The following PBX4 variants were observed in gnomAD, a reference collection of about 807,000 sequenced individuals.
PBX4 encodes PBX homeobox 4.
Under a neutral mutation model 35.1 loss-of-function variants are expected in PBX4, and 26 were observed. That is an observed-to-expected ratio of 0.74 (90% CI 0.54 to 1.03). PBX4 has a LOEUF of 1.03. Among genes scored for constraint, PBX4 ranks in the 50% least tolerant of loss-of-function variants. The probability of loss-of-function intolerance (pLI) is 0.00; values close to 1 mark genes in which losing one functional copy is unlikely to be tolerated. For missense variants in PBX4, 448 were observed against 504.3 expected (o/e 0.89, Z 1.07); for synonymous variants, 199 against 204.2 (o/e 0.97, Z 0.22).
intron 2 of PBX4, among the ~76,000 whole-genome samples, chr19:19,589,116 G>C (rs2061509478): frequency 6.6e-6 from 1 of 152,036 alleles, no homozygotes; most frequent in African/African-American, 2.4e-5. Context: ...GACAGAGCGA[G>C]ATCTTGACTC....
chr19:19,588,275 C>A, intron 2 of PBX4: 1 of 1,200,894 alleles, frequency 8.3e-7, no homozygotes, highest in Non-Finnish European at 1.2e-6. Flanking sequence ...TAGTTACATT[C>A]ATCACATATG....
intron 2 of PBX4, among the ~76,000 whole-genome samples, chr19:19,583,929 C>T (rs1264995303): frequency 6.6e-6 from 1 of 151,924 alleles, no homozygotes; most frequent in Non-Finnish European, 1.5e-5. Context: ...ATTAGCTGGG[C>T]ATGGTGGCAC....
chr19:19,597,942 A>G (rs774892850), intron 2 of PBX4, among the ~76,000 whole-genome samples: 1 of 152,156 alleles, frequency 6.6e-6, no homozygotes, highest in Non-Finnish European at 1.5e-5. Flanking sequence ...ACTTCAGTCC[A>G]ATCTAGAGGA....
chr19:19,589,671 G>A (rs1382501399), intron 2 of PBX4, among the ~76,000 whole-genome samples: 1 of 151,990 alleles, frequency 6.6e-6, no homozygotes, highest in Non-Finnish European at 1.5e-5. Flanking sequence ...TTGGGAGGCT[G>A]AGGCAGGAGA....
At position 19,561,897 on chromosome 19, in the gene PBX4, G is replaced by A; in HGVS notation, c.*128C>T. ...CCGGCGCCACGGGCCTGGCTGAGGA[G>A]CAGGGGCTCATGGGCACCACCACCC... On this transcript the variant is annotated 3_prime_UTR_variant, in exon 8 of 8. Transcript: ENST00000251203. The A allele has an allele frequency of 4.2e-6, 3 of 718,740 alleles. No homozygotes were observed. The highest frequency in any genetic ancestry group is 1.8e-5 in the African/African-American group (1 of 55,430). The allele number at this position is 718,740 out of a possible 1,614,324, so 44.5% of individuals were successfully genotyped here.
intron 1 of PBX4, among the ~76,000 whole-genome samples, chr19:19,615,219 G>T (rs2061682873): frequency 6.7e-6 from 1 of 148,680 alleles, no homozygotes; most frequent in South Asian, 2.1e-4. Context: ...TGGTGGCACA[G>T]GCCTGTGGTC....
intron 1 of PBX4, among the ~76,000 whole-genome samples, chr19:19,614,691 CCAAACAAACAAACAAAAA>C (rs975903988): frequency 1.1e-4 from 16 of 151,976 alleles, no homozygotes; most frequent in South Asian, 1.0e-3. Context: ...CAAAAAACAG[CCAAACAAACAAACAAAAA>C]CAAACAAACA....
Position 19,561,930 on chromosome 19 carries a change from T to G in PBX4, c.*95A>C. 1 of 1,098,542 alleles carries G rather than the reference T, an allele frequency of 9.1e-7. No homozygotes were observed. 68.0% of individuals were successfully genotyped at this position (1,098,542 alleles called of 1,614,324 possible). ...TCATGGGCACCACCACCCATCTGGG[T>G]TTTCTGAGGTCGTCGGCGGCACGTT... On this transcript the variant is annotated 3_prime_UTR_variant, in exon 8 of 8. Coordinates refer to ENST00000251203, the MANE Select transcript of PBX4 (RefSeq NM_025245.3).
At chr19:19,568,484 ACAC>A (rs2061358735) in intron 5 of PBX4, among the ~76,000 whole-genome samples, 1 of 132,726 alleles carries the variant, frequency 7.5e-6, no homozygotes, top group African/African-American at 2.9e-5. Context: ...CAGGGAACTC[ACAC>A]TCCATCTGTA....
chr19:19,599,060 C>T (rs2061579151), intron 2 of PBX4, among the ~76,000 whole-genome samples: 1 of 151,988 alleles, frequency 6.6e-6, no homozygotes, highest in South Asian at 2.1e-4. Flanking sequence ...CCTCCACCTC[C>T]CAGGTTCAAG....
intron 2 of PBX4, among the ~76,000 whole-genome samples, chr19:19,582,812 T>C (rs2061463937): frequency 6.6e-6 from 1 of 152,156 alleles, no homozygotes; most frequent in Non-Finnish European, 1.5e-5. Flanking sequence ...AACACAACCC[T>C]AAGACGCTGC....
intron 1 of PBX4, among the ~76,000 whole-genome samples, chr19:19,617,436 A>G (rs1369789958): frequency 6.6e-6 from 1 of 151,946 alleles, no homozygotes; most frequent in East Asian, 1.9e-4. Flanking sequence ...GCATCATCAC[A>G]CCTAACTAAT....
intron 5 of PBX4, 40 bp from the exon 6 acceptor site, chr19:19,565,129 G>A (rs566264792): frequency 2.3e-5 from 37 of 1,612,838 alleles, no homozygotes; most frequent in African/African-American, 2.3e-4. Context: ...CTGACCCAGC[G>A]ACTTCTGAGA....
intron 2 of PBX4, 117 bp downstream of exon 2, chr19:19,599,175 G>A (rs2061580277): frequency 1.2e-5 from 10 of 801,596 alleles, no homozygotes; most frequent in Non-Finnish European, 1.9e-5. Flanking sequence ...CTCCATGTTG[G>A]TCAGGCTGGT....
At chr19:19,592,953 C>T (rs76633357) in intron 2 of PBX4, among the ~76,000 whole-genome samples, 9,013 of 152,168 alleles carry the variant, frequency 0.059, 375 homozygotes, top group Middle Eastern at 0.15. Context: ...TGGGGAGGCC[C>T]CTGTCTCTTA....
intron 5 of PBX4, 56 bp from the exon 6 acceptor site, chr19:19,565,145 C>T (rs1374097293): frequency 9.9e-6 from 16 of 1,609,690 alleles, no homozygotes; most frequent in African/African-American, 4.0e-5. Flanking sequence ...TGAGACACGA[C>T]GCAGTCTGTG....
intron 2 of PBX4, among the ~76,000 whole-genome samples, chr19:19,596,487 C>T (rs1256535841): frequency 6.6e-6 from 1 of 152,156 alleles, no homozygotes; most frequent in Non-Finnish European, 1.5e-5. Context: ...TGTGTGTACA[C>T]ACGCATCTGT....
In PBX4 at chr19:19,562,478, TGA is replaced by T. The variant is rs139848153; in HGVS notation, c.1033-363_1033-362del. On this transcript the variant is annotated intron_variant, in intron 7 of 7. Transcript: ENST00000251203. The surrounding 1 kb of genome is among the most constrained non-coding windows in gnomAD (Gnocchi z 4.8). ...CATGATGACGCCCGGAGCGTCATGGTGAGACTCGGTGGGAAAAAGGGGCTCTG... is the reference window on the plus strand; with the variant it reads ...CATGATGACGCCCGGAGCGTCATGGTGACTCGGTGGGAAAAAGGGGCTCTG... Among the ~76,000 whole-genome samples, 1,384 of 151,986 alleles carry T rather than the reference TGA, an allele frequency of 9.1e-3. 26 individuals are homozygous for T. The highest frequency in any genetic ancestry group is 0.031 in the African/African-American group (1,291 of 41,494).
At chr19:19,599,259 G>A (rs1426709579) in intron 2 of PBX4, 33 bp downstream of exon 2, 4 of 1,572,782 alleles carry the variant, frequency 2.5e-6, no homozygotes, top group South Asian at 1.1e-5. Flanking sequence ...GAGCCACCAC[G>A]CTCGGCCAGA....
Sources: allele counts gnomAD v4.1 joint callset (sites outside exome capture counted in the v4.1 genomes callset), GRCh38; gene constraint gnomAD v4.1.1; non-coding constraint Gnocchi (gnomAD v3.1); transcripts MANE v1.5; gene names NCBI Gene and HGNC (gene_info 2026-07-23, HGNC 2026-07-21).